Variants in STOX2 observed in about 807,000 individuals in gnomAD.
STOX2 encodes the protein storkhead box 2.
Under a neutral mutation model 60.9 loss-of-function variants are expected in STOX2, and 28 were observed. The ratio of observed to expected loss-of-function variants is 0.46; its 90% CI spans 0.34 to 0.63. The LOEUF is 0.63. Among genes scored for constraint, STOX2 ranks in the 30% least tolerant of loss-of-function variants. The pLI, the probability that STOX2 is intolerant of heterozygous loss-of-function variation, is 0.01. For synonymous variants in STOX2, 472 were observed against 463.9 expected (o/e 1.02, Z -0.22); for missense variants, 1,024 against 1,187.7 (o/e 0.86, Z 2.03).
chr4:183,954,717 C>G (rs146788748), intron 1 of STOX2, among the ~76,000 whole-genome samples: 1 of 152,198 alleles, frequency 6.6e-6, no homozygotes, highest in East Asian at 1.9e-4. Flanking sequence ...ATTGCCTGAT[C>G]GCTTCCCCAC....
At position 184,017,936 on chromosome 4, in the gene STOX2, A is replaced by G. The variant is rs1970894; in HGVS notation, c.*652A>G. 148,045 of 152,196 alleles carry G rather than the reference A, an allele frequency of 0.97. 72,130 individuals carry two copies. The highest frequency in any genetic ancestry group is 1 in the Middle Eastern group (294 of 294). 9.4% of individuals were successfully genotyped at this position (152,196 alleles called of 1,614,324 possible). On this transcript the variant is annotated 3_prime_UTR_variant, in exon 4 of 4. Coordinates refer to ENST00000308497, the MANE Select transcript of STOX2 (RefSeq NM_020225.3). ...GTGAGAAGGGGTCGCAATGGAGATC[A>G]CTGGGAGTGAATGTTTTCAGGGTTT...
intron 2 of STOX2, among the ~76,000 whole-genome samples, chr4:184,006,798 C>CCT (rs1277693266): frequency 2.9e-4 from 43 of 150,314 alleles, no homozygotes; most frequent in Admixed American, 1.5e-3. Context: ...GGGCGGATCA[C>CCT]GAGGTCAGCA....
intron 1 of STOX2, among the ~76,000 whole-genome samples, chr4:183,954,186 C>T (rs1315737733): frequency 4.6e-5 from 7 of 152,204 alleles, no homozygotes; most frequent in Non-Finnish European, 8.8e-5. Context: ...CACTTCTTGT[C>T]ACGTTGCAGG....
intron 1 of STOX2, among the ~76,000 whole-genome samples, chr4:183,861,614 T>A (rs1740449063): frequency 6.6e-6 from 1 of 152,120 alleles, no homozygotes; most frequent in African/African-American, 2.4e-5. Flanking sequence ...CGTGAACAAG[T>A]CACCTGGTCC....
At chr4:183,839,799 C>T (rs186050083) in intron 1 of STOX2, among the ~76,000 whole-genome samples, 2 of 152,234 alleles carry the variant, frequency 1.3e-5, no homozygotes, top group African/African-American at 4.8e-5. Context: ...GGTGATGTGG[C>T]ACCTAATGTT....
At chr4:183,862,908 TTATTTCCGGTCA>T (rs1282483683) in intron 1 of STOX2, among the ~76,000 whole-genome samples, 3 of 152,050 alleles carry the variant, frequency 2.0e-5, no homozygotes, top group African/African-American at 7.3e-5. Flanking sequence ...GAAGGCGTGG[TTATTTCCGGTCA>T]GACAGGAGGT....
At chr4:183,913,322 T>G (rs1485225841) in intron 1 of STOX2, among the ~76,000 whole-genome samples, 1 of 151,996 alleles carries the variant, frequency 6.6e-6, no homozygotes, top group Non-Finnish European at 1.5e-5. Context: ...CATTTGTGAT[T>G]TGGGGAGAGA....
intron 1 of STOX2, among the ~76,000 whole-genome samples, chr4:183,835,046 C>G (rs1330158386): frequency 6.6e-6 from 1 of 151,738 alleles, no homozygotes; most frequent in Non-Finnish European, 1.5e-5. Flanking sequence ...AACATAGTGT[C>G]TTGAAGGAGA....
At chr4:183,951,444 CTTTTT>C (rs1163579369) in intron 1 of STOX2, among the ~76,000 whole-genome samples, 1 of 66,464 alleles carries the variant, frequency 1.5e-5, no homozygotes, top group Non-Finnish European at 2.7e-5. Context: ...CTCTCTCTCT[CTTTTT>C]TTTTTTTTTT....
intron 1 of STOX2, among the ~76,000 whole-genome samples, chr4:183,910,022 C>T (rs1171101625): frequency 6.6e-6 from 1 of 152,176 alleles, no homozygotes; most frequent in African/African-American, 2.4e-5. Flanking sequence ...ACTCATGCTA[C>T]CAAATCTGAA....
chr4:183,927,428 T>A (rs752111278), intron 1 of STOX2, among the ~76,000 whole-genome samples: 4 of 152,192 alleles, frequency 2.6e-5, no homozygotes, highest in Non-Finnish European at 5.9e-5. Flanking sequence ...TTGTTATTAA[T>A]AAGCTTATAG....
chr4:183,941,747 T>C (rs1742760060), intron 1 of STOX2, among the ~76,000 whole-genome samples: 1 of 152,188 alleles, frequency 6.6e-6, no homozygotes, highest in Admixed American at 6.5e-5. Flanking sequence ...GTTCATATTA[T>C]TAAGTTTATG....
intron 1 of STOX2, among the ~76,000 whole-genome samples, chr4:183,974,571 G>A (rs1216169385): frequency 1.3e-5 from 2 of 151,994 alleles, no homozygotes; most frequent in Non-Finnish European, 2.9e-5. Context: ...ATTAATATCA[G>A]AAATAGTAGA....
In STOX2 at chr4:183,998,240, A is replaced by G. The variant is rs115751662; in HGVS notation, c.167-3085A>G. Among the ~76,000 whole-genome samples, 1,503 of 152,278 alleles carry G rather than the reference A, an allele frequency of 9.9e-3. 28 individuals carry two copies. Among genetic ancestry groups the G allele is most frequent in the African/African-American group, 0.035 (1,443 of 41,544 alleles). On this transcript the variant is annotated intron_variant, in intron 1 of 3. Coordinates refer to ENST00000308497, the MANE Select transcript of STOX2 (RefSeq NM_020225.3). Reference sequence around the variant, plus strand: ...TCCAGAGGTTCTGGAATCTGCATTGATCCTGTCCCTCTTTGCCAGCTGATC... The same window carrying G: ...TCCAGAGGTTCTGGAATCTGCATTGGTCCTGTCCCTCTTTGCCAGCTGATC...
chr4:183,833,232 G>A (rs986899238), intron 1 of STOX2, among the ~76,000 whole-genome samples: 5 of 152,174 alleles, frequency 3.3e-5, no homozygotes, highest in African/African-American at 9.7e-5. Context: ...AGGAGCGTTT[G>A]TGCTTTGCAA....
At chr4:183,859,216 C>T (rs1740373341) in intron 1 of STOX2, among the ~76,000 whole-genome samples, 1 of 152,226 alleles carries the variant, frequency 6.6e-6, no homozygotes, top group Non-Finnish European at 1.5e-5. Flanking sequence ...CTCTCTCTCC[C>T]TCTTCCCAGT....
intron 1 of STOX2, among the ~76,000 whole-genome samples, chr4:183,997,428 G>T (rs1428593562): frequency 6.6e-6 from 1 of 152,242 alleles, no homozygotes. Flanking sequence ...GTGGGCCCGT[G>T]TAGGCCTACC....
At chr4:183,860,971 G>A (rs546424044) in intron 1 of STOX2, among the ~76,000 whole-genome samples, 47 of 152,286 alleles carry the variant, frequency 3.1e-4, no homozygotes, top group Admixed American at 1.2e-3. Flanking sequence ...ATTACGCTTT[G>A]GCAGCCATGC....
intron 1 of STOX2, among the ~76,000 whole-genome samples, chr4:183,970,981 G>A (rs982508933): frequency 2.6e-5 from 4 of 152,280 alleles, no homozygotes; most frequent in Non-Finnish European, 4.4e-5. Context: ...GCTCTTTTTA[G>A]TATAACCGTT....
Sources: allele counts gnomAD v4.1 joint callset (sites outside exome capture counted in the v4.1 genomes callset), GRCh38; gene constraint gnomAD v4.1.1; transcripts MANE v1.5; gene names NCBI Gene and HGNC (gene_info 2026-07-23, HGNC 2026-07-21).